Variants in PCDHGB1 observed in about 807,000 individuals in gnomAD.
The protein encoded by PCDHGB1 is protocadherin gamma-B1.
PCDHGB1 carries 34 observed loss-of-function variants against 56.6 expected under a neutral mutation model. The observed-to-expected ratio is 0.60, with a 90% CI of 0.46 to 0.80. The LOEUF is 0.80. Among genes scored for constraint, PCDHGB1 ranks in the 30% least tolerant of loss-of-function variants. The pLI, the probability that PCDHGB1 is intolerant of heterozygous loss-of-function variation, is 0.00. For synonymous variants in PCDHGB1, 561 were observed against 505.9 expected, an observed-to-expected ratio of 1.11 and a Z score of -1.46; for missense variants, 1,278 against 1,204.6, an observed-to-expected ratio of 1.06 and a Z score of -0.90.
At chr5:141,499,271 T>C (rs2099790752) in intron 2 of PCDHGB1, among the ~76,000 whole-genome samples, 1 of 152,180 alleles carries the variant, frequency 6.6e-6, no homozygotes, top group South Asian at 2.1e-4. Context: ...GTCCCTAGAC[T>C]GTTCTCTGAT....
chr5:141,437,478 T>G (rs942305423), intron 1 of PCDHGB1, among the ~76,000 whole-genome samples: 2 of 152,210 alleles, frequency 1.3e-5, no homozygotes, highest in African/African-American at 2.4e-5. Flanking sequence ...TATAGCATAT[T>G]TAATCTCGTA....
chr5:141,375,190 T>C, intron 1 of PCDHGB1: 1 of 1,613,964 alleles, frequency 6.2e-7, no homozygotes, highest in South Asian at 1.1e-5. Context: ...TCGCCCTTTT[T>C]CAAGTGTTCG....
intron 1 of PCDHGB1, chr5:141,382,822 A>C: frequency 7.6e-7 from 1 of 1,310,696 alleles, no homozygotes; most frequent in Non-Finnish European, 1.1e-6. Context: ...TTCCTAAGAC[A>C]GAGGGGTCCA....
intron 1 of PCDHGB1, chr5:141,361,712 G>A (rs1306730531): frequency 1.9e-6 from 3 of 1,613,282 alleles, no homozygotes; most frequent in Non-Finnish European, 2.5e-6. Context: ...GAGCAGCTGC[G>A]CGCCTTCGAG....
chr5:141,503,598 CAAA>C (rs765754054), intron 2 of PCDHGB1, among the ~76,000 whole-genome samples: 9 of 65,742 alleles, frequency 1.4e-4, no homozygotes, highest in Admixed American at 3.4e-4. Context: ...GACTCCAGCT[CAAA>C]AAAAAAAAAA....
chr5:141,448,103 A>G (rs1252710550), intron 1 of PCDHGB1, among the ~76,000 whole-genome samples: 2 of 151,992 alleles, frequency 1.3e-5, no homozygotes, highest in Non-Finnish European at 2.9e-5. Context: ...AAAAAATTAA[A>G]AGAAAAGAAA....
At chr5:141,362,648 T>G in intron 1 of PCDHGB1, 1 of 1,442,070 alleles carries the variant, frequency 6.9e-7, no homozygotes, top group African/African-American at 1.4e-5. Flanking sequence ...TGTCTGTGAG[T>G]TAGATTTGGC....
At chr5:141,508,123 G>A (rs989767852) in intron 3 of PCDHGB1, 1 of 152,616 alleles carries the variant, frequency 6.6e-6, no homozygotes, top group Non-Finnish European at 1.5e-5. Context: ...GAGGACAGAG[G>A]GAGGTCAGGG....
rs759737266 is a variant in PCDHGB1 at position 141,489,464 on chromosome 5, T to A, written c.2410-5343T>A. 5 of 1,614,030 alleles carry A rather than the reference T, an allele frequency of 3.1e-6. No homozygotes were observed. In the South Asian group the frequency reaches 3.3e-5, roughly 11 times the overall value. On this transcript the variant is annotated intron_variant, in intron 1 of 3. Transcript: ENST00000523390. The surrounding 1 kb of genome is among the most constrained non-coding windows in gnomAD (Gnocchi z 4.5). ...GGCTCTGAGGAGAATGGGCGCTATT[T>A]TTCCCTGAGCTTGATGAGTGGTGCC...
rs745778398 is a variant in PCDHGB1, at chr5:141,389,350, T to A, written c.2409+36681T>A. The A allele has an allele frequency of 1.6e-5, 26 of 1,613,964 alleles. No individual in the cohort carries two copies. Among genetic ancestry groups the A allele is most frequent in the Non-Finnish European group, 2.2e-5 (26 of 1,179,910 alleles). Reference sequence around the variant, plus strand: ...CCCAACGGCCAAGTCTCTTACTGCATCATGGCCAGTGACCTGGAGCAGCGG... The same window carrying A: ...CCCAACGGCCAAGTCTCTTACTGCAACATGGCCAGTGACCTGGAGCAGCGG... On this transcript the variant is annotated intron_variant, in intron 1 of 3. Coordinates refer to ENST00000523390, the MANE Select transcript of PCDHGB1 (RefSeq NM_018922.3).
intron 1 of PCDHGB1, among the ~76,000 whole-genome samples, chr5:141,424,964 A>G (rs62378457): frequency 0.11 from 16,148 of 152,126 alleles, 960 homozygotes; most frequent in African/African-American, 0.17. Flanking sequence ...ATTTGCCCCA[A>G]ATTACTTGGA....
intron 1 of PCDHGB1, chr5:141,440,995 C>G (rs1425894086): frequency 6.6e-6 from 1 of 152,154 alleles, no homozygotes; most frequent in Non-Finnish European, 1.5e-5. Context: ...GTACCCATAT[C>G]TAGTTTGGCC....
intron 1 of PCDHGB1, chr5:141,372,130 C>G (rs1434489801): frequency 1.2e-6 from 2 of 1,613,648 alleles, no homozygotes; most frequent in Non-Finnish European, 1.7e-6. Context: ...GATATGGTGC[C>G]GCGCTCTGCA....
Position 141,477,203 on chromosome 5 carries a change from G to T in PCDHGB1, c.2410-17604G>T. On this transcript the variant is annotated intron_variant, in intron 1 of 3. Coordinates refer to ENST00000523390, the MANE Select transcript of PCDHGB1 (RefSeq NM_018922.3). The surrounding 1 kb of genome is among the most constrained non-coding windows in gnomAD (Gnocchi z 4.9). ...CACCTCCGTGTACAGCCCAGTACCC[G>T]AGGATGCCCCTCTGGGGACTGTCAT... 1 of 1,614,176 alleles carries T rather than the reference G, an allele frequency of 6.2e-7. No individual in the cohort carries two copies. The highest frequency in any genetic ancestry group is 1.1e-5 in the South Asian group (1 of 91,082).
Position 141,489,533 on chromosome 5 carries a change from C to G in PCDHGB1, c.2410-5274C>G, listed in dbSNP as rs754586925. The G allele has an allele frequency of 6.2e-7, 1 of 1,614,086 alleles. No individual in the cohort carries two copies. The highest frequency in any genetic ancestry group is 1.7e-5 in the Admixed American group (1 of 60,030). ...ATTGACCGAGAAAGCCTATGTGGAG[C>G]CAGCACCAGCTGCCTGCTGCCAGTG... On this transcript the variant is annotated intron_variant, in intron 1 of 3. Coordinates refer to ENST00000523390, the MANE Select transcript of PCDHGB1 (RefSeq NM_018922.3). The surrounding 1 kb of genome is among the most constrained non-coding windows in gnomAD (Gnocchi z 4.5).
At chr5:141,503,554 G>A (rs1395044357) in intron 2 of PCDHGB1, among the ~76,000 whole-genome samples, 11 of 149,146 alleles carry the variant, frequency 7.4e-5, no homozygotes, top group East Asian at 3.9e-4. Flanking sequence ...AGCCGAGATC[G>A]CGCCACTGTA....
chr5:141,498,930 C>T (rs2099786911), intron 2 of PCDHGB1, among the ~76,000 whole-genome samples: 1 of 121,364 alleles, frequency 8.2e-6, no homozygotes, highest in Non-Finnish European at 1.6e-5. Flanking sequence ...GAGACTCCAT[C>T]AGGAAAGAAA....
intron 1 of PCDHGB1, chr5:141,421,183 A>G (rs1286755310): frequency 2.7e-6 from 4 of 1,457,360 alleles, no homozygotes; most frequent in Admixed American, 4.8e-5. Flanking sequence ...CCGATTCACA[A>G]CCAACCAGCT....
chr5:141,419,852 G>A, intron 1 of PCDHGB1: 1 of 1,614,066 alleles, frequency 6.2e-7, no homozygotes, highest in Non-Finnish European at 8.5e-7. Flanking sequence ...CCTGGTGTTC[G>A]CAGATAGCTT....
Sources: gnomAD v4.1 joint callset for allele counts (sites outside exome capture counted in the v4.1 genomes callset) on GRCh38, gnomAD v4.1.1 for gene constraint, Gnocchi (gnomAD v3.1) non-coding constraint, MANE v1.5 for transcripts, NCBI Gene and HGNC (gene_info 2026-07-23, HGNC 2026-07-21) for gene names.